XKR4: variants seen among roughly 807,000 people sequenced by gnomAD.
XKR4 encodes the protein XK related 4, also known as XK-related protein 4.
Under a neutral mutation model 53.9 loss-of-function variants are expected in XKR4, and 12 were observed. The ratio of observed to expected loss-of-function variants is 0.22; its 90% CI spans 0.14 to 0.36. The LOEUF (loss-of-function observed/expected upper bound fraction) is 0.36. Among genes scored for constraint, XKR4 ranks in the 10% least tolerant of loss-of-function variants. XKR4 has a pLI of 1.00. For missense variants in XKR4, 799 were observed against 859.5 expected (o/e 0.93, Z 0.88); for synonymous variants, 354 against 362.4 (o/e 0.98, Z 0.26).
Position 55,104,789 on chromosome 8 carries a change from C to A in XKR4, c.806+1495C>A, listed in dbSNP as rs546535521. On this transcript the variant is annotated intron_variant, in intron 1 of 2. Transcript: ENST00000327381. ...GGACTCAAAGTAACTTTTTGAAATT[C>A]TAGTTAAATATGATAGCTATATTTC... is the stretch of plus-strand genomic sequence containing the variant. Among the ~76,000 whole-genome samples, 19 of 152,164 alleles carry A rather than the reference C, an allele frequency of 1.2e-4. No homozygotes were observed. In the South Asian group the frequency reaches 4.0e-3, roughly 32 times the overall value.
At chr8:55,168,454 A>G (rs1817100994) in intron 1 of XKR4, among the ~76,000 whole-genome samples, 1 of 152,148 alleles carries the variant, frequency 6.6e-6, no homozygotes, top group Non-Finnish European at 1.5e-5. Context: ...TAATTTTAAA[A>G]TGCATCCTAT....
chr8:55,406,129 G>A (rs1216171587), intron 2 of XKR4, among the ~76,000 whole-genome samples: 1 of 152,186 alleles, frequency 6.6e-6, no homozygotes, highest in Non-Finnish European at 1.5e-5. Context: ...TGGATAAAGT[G>A]ATTTAACAGT....
intron 1 of XKR4, among the ~76,000 whole-genome samples, chr8:55,251,261 T>C (rs1227337846): frequency 2.0e-5 from 3 of 152,340 alleles, no homozygotes; most frequent in African/African-American, 7.2e-5. Context: ...TTCTGTAACC[T>C]GTTTTTACCA....
chr8:55,186,419 G>T (rs1017352364), intron 1 of XKR4, among the ~76,000 whole-genome samples: 2 of 152,124 alleles, frequency 1.3e-5, no homozygotes, highest in African/African-American at 4.8e-5. Context: ...ACTTTGGGAG[G>T]CCAAGGAGGG....
chr8:55,509,774 G>A (rs1806598025), intron 2 of XKR4, among the ~76,000 whole-genome samples: 1 of 152,134 alleles, frequency 6.6e-6, no homozygotes, highest in African/African-American at 2.4e-5. Context: ...CATCCTCTAA[G>A]AACCCTAGAC....
chr8:55,469,608 T>C (rs904860598), intron 2 of XKR4, among the ~76,000 whole-genome samples: 2 of 152,104 alleles, frequency 1.3e-5, no homozygotes, highest in African/African-American at 4.8e-5. Context: ...AAATAATATA[T>C]TCCATGTTAG....
At chr8:55,417,739 G>T (rs75816653) in intron 2 of XKR4, among the ~76,000 whole-genome samples, 3 of 152,064 alleles carry the variant, frequency 2.0e-5, no homozygotes, top group Non-Finnish European at 4.4e-5. Flanking sequence ...TCTGTTAACC[G>T]CATAACGAAT....
intron 2 of XKR4, among the ~76,000 whole-genome samples, chr8:55,391,940 G>A (rs757296017): frequency 2.0e-5 from 3 of 152,016 alleles, no homozygotes; most frequent in Non-Finnish European, 2.9e-5. Context: ...TATTACTATC[G>A]ATCATTTTGT....
At chr8:55,381,560 T>C (rs1011344144) in intron 2 of XKR4, among the ~76,000 whole-genome samples, 6 of 152,094 alleles carry the variant, frequency 3.9e-5, no homozygotes, top group Non-Finnish European at 8.8e-5. Flanking sequence ...AGGAGAAGGG[T>C]GTCCCAGCCT....
chr8:55,324,335 A>G (rs539200821), intron 1 of XKR4, among the ~76,000 whole-genome samples: 2 of 152,302 alleles, frequency 1.3e-5, no homozygotes, highest in Middle Eastern at 3.4e-3. Flanking sequence ...GGCTCAAGCA[A>G]TCCACCCACC....
intron 2 of XKR4, chr8:55,453,637 C>T: frequency 2.4e-6 from 1 of 424,020 alleles, no homozygotes; most frequent in Non-Finnish European, 4.5e-6. Context: ...GGTCCACGAT[C>T]CACTGCATGG....
chr8:55,416,089 T>C (rs550343575), intron 2 of XKR4, among the ~76,000 whole-genome samples: 1 of 152,272 alleles, frequency 6.6e-6, no homozygotes, highest in South Asian at 2.1e-4. Flanking sequence ...TTTAAGTTTG[T>C]AATTAAAGAC....
intron 2 of XKR4, 140 bp from the exon 3 acceptor site, chr8:55,523,141 C>CAA (rs35183687): frequency 0.023 from 13,164 of 584,456 alleles, 552 homozygotes; most frequent in African/African-American, 0.17. Flanking sequence ...GACTCTGTCT[C>CAA]AAAAAAAAAA....
intron 1 of XKR4, among the ~76,000 whole-genome samples, chr8:55,343,367 G>A (rs973670246): frequency 1.3e-5 from 2 of 152,058 alleles, no homozygotes; most frequent in Admixed American, 6.5e-5. Context: ...TATATTCCAC[G>A]GAAGCCATTT....
At position 55,450,109 on chromosome 8, in the gene XKR4, C is replaced by T. The variant is rs1480506397; in HGVS notation, c.1007-73172C>T. The stretch of plus-strand genomic sequence containing the variant: ...CACGCGGTCCCAGGTGTCCTTCCAG[C>T]GCTTAGCGGGTCGGCTCAGCTCTGT... On this transcript the variant is annotated intron_variant, in intron 2 of 2. Coordinates refer to ENST00000327381, the MANE Select transcript of XKR4 (RefSeq NM_052898.2). The T allele has an allele frequency of 1.6e-5, 11 of 705,950 alleles. No individual in the cohort carries two copies. In the East Asian group the frequency reaches 2.6e-4, roughly 17 times the overall value. The allele number at this position is 705,950 out of a possible 1,614,324, so 43.7% of individuals were successfully genotyped here. A position where few individuals can be genotyped will look rare whatever the true frequency, so the allele number is the denominator to read the frequency against.
intron 2 of XKR4, among the ~76,000 whole-genome samples, chr8:55,370,827 C>T (rs1463235061): frequency 4.6e-5 from 7 of 152,058 alleles, no homozygotes; most frequent in Admixed American, 2.6e-4. Flanking sequence ...TTGCACATTC[C>T]TTCCCAACAC....
chr8:55,460,541 C>G (rs1416438696), intron 2 of XKR4, among the ~76,000 whole-genome samples: 1 of 152,210 alleles, frequency 6.6e-6, no homozygotes, highest in Non-Finnish European at 1.5e-5. Context: ...CAGTCTACAG[C>G]TCCCAGCATG....
intron 1 of XKR4, among the ~76,000 whole-genome samples, chr8:55,186,431 G>A (rs539418410): frequency 5.5e-4 from 83 of 152,212 alleles, no homozygotes; most frequent in Non-Finnish European, 1.0e-3. Context: ...CAAGGAGGGC[G>A]GATCACGAGG....
rs566478755 is a variant in XKR4, at chr8:55,514,381, C to T, written c.1007-8900C>T. ...AAGTGATGCTCCTGCCTCAGCCTCC[C>T]GAGTAGCTGGGATTACAGGCATGTG... On this transcript the variant is annotated intron_variant, in intron 2 of 2. Transcript: ENST00000327381. 5.3e-5 allele frequency among the ~76,000 whole-genome samples: 8 copies of T among 151,882 alleles called. No individual in the cohort carries two copies. In the South Asian group the frequency reaches 6.2e-4, roughly 12 times the overall value.
Sources: gnomAD v4.1 joint callset for allele counts (sites outside exome capture counted in the v4.1 genomes callset) on GRCh38, gnomAD v4.1.1 for gene constraint, MANE v1.5 for transcripts, NCBI Gene and HGNC (gene_info 2026-07-23, HGNC 2026-07-21) for gene names.